ADK: variants seen among roughly 807,000 people sequenced by gnomAD.
The protein encoded by ADK is adenosine kinase.
Under a neutral mutation model 44.7 loss-of-function variants are expected in ADK, and 24 were observed. The observed-to-expected ratio is 0.54, with a 90% CI of 0.39 to 0.76. The LOEUF (loss-of-function observed/expected upper bound fraction) is 0.76, where lower values mean the gene tolerates loss of function less well. ADK is among the 30% of genes least tolerant of loss of function. ADK has a pLI of 0.00. For missense variants in ADK, 321 were observed against 425.1 expected (o/e 0.76, Z 2.15); for synonymous variants, 128 against 142.6 (o/e 0.90, Z 0.73).
intron 6 of ADK, among the ~76,000 whole-genome samples, chr10:74,521,169 T>G (rs1448876656): frequency 6.6e-6 from 1 of 152,262 alleles, no homozygotes; most frequent in African/African-American, 2.4e-5. Flanking sequence ...TAACAGTCTT[T>G]GCGATCTAAC....
chr10:74,263,414 C>T (rs903724929), intron 3 of ADK, among the ~76,000 whole-genome samples: 1 of 152,168 alleles, frequency 6.6e-6, no homozygotes, highest in Non-Finnish European at 1.5e-5. Context: ...TGATGTTCTA[C>T]AGTTTGTAGC....
intron 2 of ADK, among the ~76,000 whole-genome samples, chr10:74,205,398 G>C (rs1843555810): frequency 1.3e-5 from 2 of 152,084 alleles, no homozygotes; most frequent in African/African-American, 4.8e-5. Context: ...TTAGAAGACT[G>C]GGCGTGGTGG....
At chr10:74,489,050 TA>T (rs1204962428) in intron 6 of ADK, among the ~76,000 whole-genome samples, 3 of 151,942 alleles carry the variant, frequency 2.0e-5, no homozygotes, top group African/African-American at 7.2e-5. Flanking sequence ...AGTAATTTTC[TA>T]AAAATTATAC....
chr10:74,251,826 A>G (rs1334795740), intron 3 of ADK, among the ~76,000 whole-genome samples: 1 of 150,774 alleles, frequency 6.6e-6, no homozygotes. Context: ...AAAATTAGCT[A>G]TCCAATTTAC....
intron 3 of ADK, among the ~76,000 whole-genome samples, chr10:74,224,907 C>T (rs1213781427): frequency 6.6e-6 from 1 of 152,090 alleles, no homozygotes; most frequent in Non-Finnish European, 1.5e-5. Flanking sequence ...TATTTTCTTT[C>T]TGACTGCTCT....
At chr10:74,244,789 C>A (rs1845351745) in intron 3 of ADK, among the ~76,000 whole-genome samples, 1 of 152,152 alleles carries the variant, frequency 6.6e-6, no homozygotes, top group Admixed American at 6.5e-5. Context: ...AAAGAGATGA[C>A]TCTTCTAAAT....
intron 3 of ADK, among the ~76,000 whole-genome samples, chr10:74,282,410 G>A (rs777824586): frequency 2.6e-5 from 4 of 152,138 alleles, no homozygotes; most frequent in South Asian, 4.1e-4. Flanking sequence ...TTAAGCATAT[G>A]GATTAAAATT....
At chr10:74,242,168 A>G (rs1390684918) in intron 3 of ADK, among the ~76,000 whole-genome samples, 2 of 152,244 alleles carry the variant, frequency 1.3e-5, no homozygotes, top group Non-Finnish European at 2.9e-5. Flanking sequence ...TTTTGTGTTG[A>G]AGTATGCTAA....
chr10:74,558,202 A>C (rs1850332392), intron 7 of ADK, among the ~76,000 whole-genome samples: 2 of 152,208 alleles, frequency 1.3e-5, no homozygotes, highest in East Asian at 1.9e-4. Flanking sequence ...CTGTTTTCTT[A>C]AATTTATTTA....
At chr10:74,323,574 C>CT (rs869227224) in intron 4 of ADK, among the ~76,000 whole-genome samples, 352 of 143,656 alleles carry the variant, frequency 2.5e-3, no homozygotes, top group African/African-American at 4.8e-3. Context: ...CTTTTCTTTT[C>CT]TTTTTTTTTT....
chr10:74,253,692 C>T (rs188147503), intron 3 of ADK, among the ~76,000 whole-genome samples: 46 of 151,224 alleles, frequency 3.0e-4, no homozygotes, highest in Admixed American at 1.4e-3. Flanking sequence ...GATAATATTC[C>T]TAAGAATGTA....
Position 74,303,362 on chromosome 10 carries a change from T to C in ADK, c.195-11305T>C, listed in dbSNP as rs184365826. On this transcript the variant is annotated intron_variant, in intron 3 of 10. Coordinates refer to ENST00000539909, the MANE Select transcript of ADK (RefSeq NM_006721.4). ...AGTTCCCCCATTTAAGAAAGAAACC[T>C]GTTTCTATTCAATAGGATTAAAAAC... Among the ~76,000 whole-genome samples, 37 of 152,206 alleles carry C rather than the reference T, an allele frequency of 2.4e-4. No individual in the cohort carries two copies. The East Asian group carries it at 6.0e-3, about 25-fold the overall frequency.
At chr10:74,647,840 C>A (rs1854108795) in intron 9 of ADK, among the ~76,000 whole-genome samples, 1 of 152,110 alleles carries the variant, frequency 6.6e-6, no homozygotes, top group Non-Finnish European at 1.5e-5. Flanking sequence ...ATTTAATTTA[C>A]AGCTATAATT....
At chr10:74,321,168 G>C (rs964247261) in intron 4 of ADK, among the ~76,000 whole-genome samples, 7 of 151,922 alleles carry the variant, frequency 4.6e-5, no homozygotes, top group Admixed American at 3.3e-4. Context: ...TATATTCTAG[G>C]CATCTCAAAA....
chr10:74,175,071 A>T (rs1363007795), intron 1 of ADK, among the ~76,000 whole-genome samples: 2 of 152,242 alleles, frequency 1.3e-5, no homozygotes, highest in Non-Finnish European at 2.9e-5. Flanking sequence ...AGATTCCTGT[A>T]ATTTTAAATT....
At chr10:74,311,530 A>AAATATT (rs1462417418) in intron 3 of ADK, among the ~76,000 whole-genome samples, 1 of 152,210 alleles carries the variant, frequency 6.6e-6, no homozygotes, top group African/African-American at 2.4e-5. Flanking sequence ...AACACAAGAA[A>AAATATT]GGGGAAGAAA....
chr10:74,671,068 G>T (rs1054470440), intron 10 of ADK, among the ~76,000 whole-genome samples: 1 of 93,018 alleles, frequency 1.1e-5, no homozygotes, highest in African/African-American at 3.9e-5. Context: ...CAAGCAAGTG[G>T]AGCTGATGAT....
chr10:74,240,744 CACTATAT>C (rs1845177300), intron 3 of ADK, among the ~76,000 whole-genome samples: 1 of 152,034 alleles, frequency 6.6e-6, no homozygotes, highest in Non-Finnish European at 1.5e-5. Context: ...TACCTTAGAC[CACTATAT>C]ACTTGTGGTC....
chr10:74,660,851 G>A (rs1854695618), intron 9 of ADK, among the ~76,000 whole-genome samples: 1 of 151,996 alleles, frequency 6.6e-6, no homozygotes, highest in Non-Finnish European at 1.5e-5. Context: ...GGCCAATATG[G>A]TGAAACCCCA....
Sources: gnomAD v4.1 joint callset for allele counts (sites outside exome capture counted in the v4.1 genomes callset) on GRCh38, gnomAD v4.1.1 for gene constraint, MANE v1.5 for transcripts, NCBI Gene and HGNC (gene_info 2026-07-23, HGNC 2026-07-21) for gene names.